MARCHF5: variants seen among roughly 807,000 people sequenced by gnomAD.
MARCHF5 encodes E3 ubiquitin-protein ligase MARCHF5.
Under a neutral mutation model 36.5 loss-of-function variants are expected in MARCHF5, and 5 were observed. The observed-to-expected ratio is 0.14, with a 90% CI of 0.07 to 0.29. The LOEUF (loss-of-function observed/expected upper bound fraction) is 0.29, where lower values mean the gene tolerates loss of function less well. MARCHF5 is among the 10% of genes least tolerant of loss of function. The pLI is 1.00. For missense variants in MARCHF5, 179 were observed against 336.3 expected (o/e 0.53, Z 3.66); for synonymous variants, 103 against 109.9 (o/e 0.94, Z 0.39).
chr10:92,328,347 T>C (rs1843391593), intron 2 of MARCHF5, among the ~76,000 whole-genome samples: 1 of 151,516 alleles, frequency 6.6e-6, no homozygotes, highest in Admixed American at 6.6e-5. Context: ...CTTTTTTTTT[T>C]TTTTTTGCCC....
chr10:92,292,900 T>G (rs1590640335), intron 1 of MARCHF5, among the ~76,000 whole-genome samples: 1 of 152,180 alleles, frequency 6.6e-6, no homozygotes, highest in African/African-American at 2.4e-5. Flanking sequence ...CCCAGTTGTC[T>G]AGGGGGTCTG....
intron 5 of MARCHF5, among the ~76,000 whole-genome samples, chr10:92,350,580 C>T (rs1166382699): frequency 6.6e-6 from 1 of 152,154 alleles, no homozygotes; most frequent in African/African-American, 2.4e-5. Context: ...GAACAGTAGG[C>T]GCTAGATTTC....
chr10:92,324,348 C>A (rs951680758), intron 2 of MARCHF5, among the ~76,000 whole-genome samples: 7 of 151,866 alleles, frequency 4.6e-5, no homozygotes, highest in African/African-American at 1.7e-4. Context: ...CCTTTTCTTT[C>A]TTTCTTTCTT....
chr10:92,326,391 A>T (rs1732581838), intron 2 of MARCHF5, among the ~76,000 whole-genome samples: 1 of 152,070 alleles, frequency 6.6e-6, no homozygotes, highest in African/African-American at 2.4e-5. Flanking sequence ...TATGTAATGG[A>T]AGCCCATGGG....
intron 2 of MARCHF5, among the ~76,000 whole-genome samples, chr10:92,322,649 A>G (rs1209645607): frequency 2.0e-5 from 3 of 148,214 alleles, no homozygotes. Flanking sequence ...GGGTTTTGCC[A>G]TGTTGTCCAG....
intron 1 of MARCHF5, among the ~76,000 whole-genome samples, chr10:92,297,071 C>T (rs575669841): frequency 3.9e-4 from 60 of 152,170 alleles, no homozygotes; most frequent in African/African-American, 1.4e-3. Flanking sequence ...AATGGCATAT[C>T]TTCTCATCCC....
chr10:92,340,441 T>C (rs1437341554), intron 2 of MARCHF5, among the ~76,000 whole-genome samples: 3 of 152,190 alleles, frequency 2.0e-5, no homozygotes, highest in Non-Finnish European at 4.4e-5. Flanking sequence ...GTGTAGTAGC[T>C]CATGCCTGTA....
chr10:92,351,034 A>G (rs576588402), intron 5 of MARCHF5, 57 bp from the exon 6 acceptor site: 10 of 915,612 alleles, frequency 1.1e-5, no homozygotes, highest in Non-Finnish European at 1.7e-5. Context: ...AATTATTTTT[A>G]TTACTCTGTT....
chr10:92,337,795 C>T (rs995420375), intron 2 of MARCHF5, among the ~76,000 whole-genome samples: 1 of 151,814 alleles, frequency 6.6e-6, no homozygotes, highest in African/African-American at 2.4e-5. Context: ...AGGGGATTGA[C>T]TTCAGATGGG....
intron 2 of MARCHF5, among the ~76,000 whole-genome samples, chr10:92,339,614 G>C (rs1349560182): frequency 6.6e-6 from 1 of 152,078 alleles, no homozygotes; most frequent in Non-Finnish European, 1.5e-5. Flanking sequence ...AGGTTGCAGT[G>C]AGCCATGATC....
intron 1 of MARCHF5, among the ~76,000 whole-genome samples, chr10:92,306,750 A>G (rs1457148013): frequency 6.6e-6 from 1 of 152,166 alleles, no homozygotes; most frequent in Admixed American, 6.5e-5. Context: ...GCAGTGGCTC[A>G]TGACTGTAAT....
chr10:92,336,499 T>TA (rs1416488889), intron 2 of MARCHF5, among the ~76,000 whole-genome samples: 1 of 152,222 alleles, frequency 6.6e-6, no homozygotes, highest in Non-Finnish European at 1.5e-5. Context: ...CAACCTCTGT[T>TA]ACAGTAAGTG....
intron 1 of MARCHF5, among the ~76,000 whole-genome samples, chr10:92,306,033 A>T (rs917856404): frequency 1.3e-5 from 2 of 152,244 alleles, no homozygotes; most frequent in East Asian, 3.8e-4. Context: ...ACATGATGCA[A>T]TGCGAATTGG....
At chr10:92,303,526 G>T (rs1315218186) in intron 1 of MARCHF5, among the ~76,000 whole-genome samples, 1 of 151,936 alleles carries the variant, frequency 6.6e-6, no homozygotes, top group Non-Finnish European at 1.5e-5. Context: ...TGGTATAGTG[G>T]TTTTTTTGTG....
At chr10:92,348,372 C>G (rs1345713896) in intron 3 of MARCHF5, among the ~76,000 whole-genome samples, 1 of 151,716 alleles carries the variant, frequency 6.6e-6, no homozygotes, top group African/African-American at 2.4e-5. Context: ...CCCTGTAATC[C>G]CAGCTACTCG....
At chr10:92,328,957 C>G (rs929589800) in intron 2 of MARCHF5, among the ~76,000 whole-genome samples, 1 of 151,820 alleles carries the variant, frequency 6.6e-6, no homozygotes, top group Non-Finnish European at 1.5e-5. Context: ...TCAGCCTGAT[C>G]CATTCAGTAA....
At chr10:92,331,409 T>G (rs760405109) in intron 2 of MARCHF5, among the ~76,000 whole-genome samples, 2 of 152,134 alleles carry the variant, frequency 1.3e-5, no homozygotes, top group African/African-American at 4.8e-5. Context: ...TTTTAAAAAC[T>G]GTTTGTATCC....
Position 92,291,406 on chromosome 10 carries a change from C to A in MARCHF5, c.-89C>A, listed in dbSNP as rs1842859291. 1 of 1,204,260 alleles carries A rather than the reference C, an allele frequency of 8.3e-7. No homozygotes were observed. The allele number at this position is 1,204,260 out of a possible 1,614,324, so 74.6% of individuals were successfully genotyped here. ...TTCGCGGCTGCCGCCGGACTGCGGCCTACTCCGCCGCCTCTCAGTGCTATT... is the reference window on the plus strand; with the variant it reads ...TTCGCGGCTGCCGCCGGACTGCGGCATACTCCGCCGCCTCTCAGTGCTATT... On this transcript the variant is annotated 5_prime_UTR_variant, in exon 1 of 6. Coordinates refer to ENST00000358935, the MANE Select transcript of MARCHF5 (RefSeq NM_017824.5).
At chr10:92,333,170 A>ACT (rs1564951384) in intron 2 of MARCHF5, among the ~76,000 whole-genome samples, 1 of 52 alleles carries the variant, frequency 0.019, no homozygotes, top group East Asian at 0.083. Flanking sequence ...TGCCAAAAGA[A>ACT]AAAAAAAAAA....
Sources: allele counts gnomAD v4.1 joint callset (sites outside exome capture counted in the v4.1 genomes callset), GRCh38; gene constraint gnomAD v4.1.1; transcripts MANE v1.5; gene names NCBI Gene and HGNC (gene_info 2026-07-23, HGNC 2026-07-21).